Variants in LSAMP observed in about 807,000 individuals in gnomAD.
LSAMP encodes the protein limbic system associated membrane protein, also known as limbic system-associated membrane protein.
A neutral mutation model predicts 38.6 loss-of-function variants in LSAMP; 7 were observed. The ratio of observed to expected loss-of-function variants is 0.18; its 90% CI spans 0.10 to 0.34. The LOEUF (loss-of-function observed/expected upper bound fraction) is 0.34. Ranked by LOEUF, LSAMP falls within the 10% of genes least tolerant of loss-of-function variation. LSAMP has a pLI of 1.00. For synonymous variants in LSAMP, 154 were observed against 166.8 expected (o/e 0.92, Z 0.59); for missense variants, 313 against 420.0 (o/e 0.75, Z 2.23).
chr3:116,115,871 T>C (rs1708730935), intron 1 of LSAMP, among the ~76,000 whole-genome samples: 2 of 152,066 alleles, frequency 1.3e-5, no homozygotes, highest in Admixed American at 1.3e-4. Flanking sequence ...TGGATTTTTC[T>C]TGGTTCTTCT....
intron 1 of LSAMP, among the ~76,000 whole-genome samples, chr3:116,088,187 A>C (rs1437840671): frequency 6.6e-6 from 1 of 152,146 alleles, no homozygotes; most frequent in Non-Finnish European, 1.5e-5. Flanking sequence ...CCCTAGAGTA[A>C]GAATTTGACT....
At chr3:115,962,410 A>G (rs1938658622) in intron 3 of LSAMP, among the ~76,000 whole-genome samples, 2 of 152,204 alleles carry the variant, frequency 1.3e-5, no homozygotes, top group African/African-American at 4.8e-5. Flanking sequence ...AATTTGAGAT[A>G]ATTCTCTAAT....
chr3:116,197,700 G>A (rs12631903), intron 1 of LSAMP, among the ~76,000 whole-genome samples: 122,262 of 152,014 alleles, frequency 0.8, 49,910 homozygotes, highest in East Asian at 0.91. Flanking sequence ...CTGGTTCTGC[G>A]GAAGAACACT....
At chr3:115,864,814 T>TA (rs1935812451) in intron 3 of LSAMP, among the ~76,000 whole-genome samples, 1 of 152,188 alleles carries the variant, frequency 6.6e-6, no homozygotes, top group Admixed American at 6.6e-5. Flanking sequence ...AGCTAACTAA[T>TA]ACCTGCCATA....
chr3:116,392,484 C>T (rs962378317), intron 1 of LSAMP, among the ~76,000 whole-genome samples: 1 of 152,240 alleles, frequency 6.6e-6, no homozygotes, highest in African/African-American at 2.4e-5. Flanking sequence ...GCCACCTCAG[C>T]CTCCTCTGGA....
chr3:115,986,483 G>A (rs1377844353), intron 3 of LSAMP, among the ~76,000 whole-genome samples: 1 of 152,090 alleles, frequency 6.6e-6, no homozygotes, highest in African/African-American at 2.4e-5. Flanking sequence ...AAAAACATAT[G>A]CTTTTTGAAT....
intron 1 of LSAMP, among the ~76,000 whole-genome samples, chr3:116,247,671 A>G (rs777053593): frequency 1.3e-5 from 2 of 152,214 alleles, no homozygotes; most frequent in Non-Finnish European, 2.9e-5. Flanking sequence ...GATGAAAACC[A>G]GGGAGAAATA....
chr3:116,375,657 AGATTTTATTT>A (rs2048485118), intron 1 of LSAMP, among the ~76,000 whole-genome samples: 1 of 151,904 alleles, frequency 6.6e-6, no homozygotes, highest in Admixed American at 6.6e-5. Context: ...GCTCAATGAT[AGATTTTATTT>A]GTAATATCTA....
intron 1 of LSAMP, among the ~76,000 whole-genome samples, chr3:116,121,196 A>G (rs1179200274): frequency 1.3e-5 from 2 of 152,218 alleles, no homozygotes; most frequent in Non-Finnish European, 2.9e-5. Flanking sequence ...ACCTAAAGCT[A>G]AAACTAAAAT....
intron 1 of LSAMP, among the ~76,000 whole-genome samples, chr3:116,181,107 A>G (rs1441016935): frequency 1.3e-5 from 2 of 152,078 alleles, no homozygotes; most frequent in Admixed American, 6.6e-5. Flanking sequence ...TTAAGTACAT[A>G]TAACATCCTT....
At chr3:116,398,996 G>C (rs532530333) in intron 1 of LSAMP, among the ~76,000 whole-genome samples, 1 of 152,296 alleles carries the variant, frequency 6.6e-6, no homozygotes, top group South Asian at 2.1e-4. Context: ...GCAGGGGAAA[G>C]ATTGGAAGAA....
At chr3:115,961,951 T>C (rs1053862203) in intron 3 of LSAMP, among the ~76,000 whole-genome samples, 20 of 152,320 alleles carry the variant, frequency 1.3e-4, no homozygotes, top group Non-Finnish European at 2.5e-4. Flanking sequence ...GATAGCTGCA[T>C]GGCTTTTGGG....
intron 1 of LSAMP, among the ~76,000 whole-genome samples, chr3:116,230,121 T>A (rs1312363183): frequency 6.6e-6 from 1 of 152,154 alleles, no homozygotes; most frequent in Non-Finnish European, 1.5e-5. Context: ...GCAGGAATAT[T>A]TCCTCATGAC....
intron 1 of LSAMP, among the ~76,000 whole-genome samples, chr3:116,333,464 G>A (rs1364305675): frequency 1.3e-5 from 2 of 151,496 alleles, no homozygotes; most frequent in African/African-American, 4.9e-5. Flanking sequence ...AACCCAGGAG[G>A]CGGAGGTTGC....
At chr3:116,157,036 G>T (rs1170813601) in intron 1 of LSAMP, among the ~76,000 whole-genome samples, 1 of 152,084 alleles carries the variant, frequency 6.6e-6, no homozygotes, top group Non-Finnish European at 1.5e-5. Context: ...AGCACTGGAG[G>T]TGATCAATCT....
chr3:115,833,358 A>AG (rs1934678425), intron 6 of LSAMP, among the ~76,000 whole-genome samples: 1 of 121,326 alleles, frequency 8.2e-6, no homozygotes, highest in Admixed American at 8.9e-5. Context: ...GTTTTAGGGA[A>AG]GTTTTTTTTT....
intron 1 of LSAMP, among the ~76,000 whole-genome samples, chr3:116,273,723 C>T (rs1459603404): frequency 6.8e-5 from 6 of 87,728 alleles, no homozygotes; most frequent in African/African-American, 2.9e-4. Flanking sequence ...CACACACACA[C>T]GTATATATGT....
intron 1 of LSAMP, among the ~76,000 whole-genome samples, chr3:116,247,234 C>T (rs894652738): frequency 6.6e-6 from 1 of 152,104 alleles, no homozygotes; most frequent in African/African-American, 2.4e-5. Flanking sequence ...TGTTAATGTC[C>T]CTACCTCTGT....
intron 1 of LSAMP, among the ~76,000 whole-genome samples, chr3:116,171,845 T>A (rs1016590111): frequency 1.3e-5 from 2 of 152,006 alleles, no homozygotes; most frequent in African/African-American, 4.8e-5. Flanking sequence ...TTTATCTCTA[T>A]CTCTTTGGAG....
Sources: gnomAD v4.1 joint callset for allele counts (sites outside exome capture counted in the v4.1 genomes callset) on GRCh38, gnomAD v4.1.1 for gene constraint, MANE v1.5 for transcripts, NCBI Gene and HGNC (gene_info 2026-07-23, HGNC 2026-07-21) for gene names.